GIP: variants seen among roughly 807,000 people sequenced by gnomAD.
GIP encodes the protein glucose-dependent insulinotropic polypeptide.
Under a neutral mutation model 18.1 loss-of-function variants are expected in GIP, and 16 were observed. The ratio of observed to expected loss-of-function variants is 0.88; its 90% confidence interval spans 0.60 to 1.34. The LOEUF is 1.34. Ranked by LOEUF, GIP falls within the 40% of genes most tolerant of loss-of-function variation. The pLI is 0.00. For missense variants in GIP, 192 were observed against 183.4 expected (o/e 1.05, Z -0.27); for synonymous variants, 76 against 74.0 (o/e 1.03, Z -0.14).
At chr17:48,965,974 T>G (rs1190429261) in intron 2 of GIP, among the ~76,000 whole-genome samples, 1 of 151,920 alleles carries the variant, frequency 6.6e-6, no homozygotes, top group East Asian at 1.9e-4. Context: ...ATCTACATGA[T>G]ACAGGCCAGG....
At chr17:48,964,504 G>A (rs2041223213) in intron 2 of GIP, 24 bp from the exon 3 acceptor site, 2 of 1,600,966 alleles carry the variant, frequency 1.2e-6, no homozygotes, top group East Asian at 2.2e-5. Flanking sequence ...TGCGGAGAAG[G>A]GGCAGAGATG....
At chr17:48,960,590 A>G (rs1258334415) in intron 5 of GIP, among the ~76,000 whole-genome samples, 3 of 152,140 alleles carry the variant, frequency 2.0e-5, no homozygotes, top group African/African-American at 7.2e-5. Flanking sequence ...AACAAATAGT[A>G]ATCAGAGCTA....
chr17:48,961,677 G>A (rs767658544), intron 4 of GIP, 50 bp downstream of exon 4: 2 of 1,144,868 alleles, frequency 1.7e-6, no homozygotes, highest in South Asian at 2.5e-5. Flanking sequence ...AAGAGGTGGG[G>A]GCGGGGCAGG....
At chr17:48,959,186 C>T (rs780539508) in intron 5 of GIP, among the ~76,000 whole-genome samples, 1 of 152,108 alleles carries the variant, frequency 6.6e-6, no homozygotes. Context: ...GACAGTCTCA[C>T]TGTGGTGCCC....
intron 3 of GIP, among the ~76,000 whole-genome samples, chr17:48,963,860 A>G (rs1420760514): frequency 6.8e-6 from 1 of 147,520 alleles, no homozygotes; most frequent in Non-Finnish European, 1.5e-5. Flanking sequence ...AAAAAAAAAA[A>G]AAAGAGAGAG....
intron 3 of GIP, among the ~76,000 whole-genome samples, chr17:48,963,736 A>AG (rs2041213768): frequency 6.8e-6 from 1 of 147,958 alleles, no homozygotes; most frequent in Admixed American, 6.8e-5. Flanking sequence ...CGGGAGGCTG[A>AG]GGCAGGAGAA....
chr17:48,961,772 G>A lies in GIP; in HGVS notation c.305C>T (p.Ala102Val), dbSNP rs369958190. 3.1e-6 allele frequency: 5 copies of A among 1,612,528 alleles called. No individual in the cohort carries two copies. Among genetic ancestry groups the A allele is most frequent in the Non-Finnish European group, 4.2e-6 (5 of 1,179,646 alleles). Residue 102 changes from alanine to valine, a missense_variant, in exon 4 of 6, where the codon GCC becomes GTC. Coordinates refer to ENST00000357424, the MANE Select transcript of GIP (RefSeq NM_004123.3). Reference sequence around the variant, plus strand: ...CTCCTCCTTCCTATTAGCTTGACTGGCCAGCTCCAGCGCCCGAGCCTCCCT... The same window carrying A: ...CTCCTCCTTCCTATTAGCTTGACTGACCAGCTCCAGCGCCCGAGCCTCCCT... The part of the protein sequence containing the change: ...TQREARALEL[A>V]SQANRKEEEA...
intron 3 of GIP, among the ~76,000 whole-genome samples, chr17:48,963,001 G>C (rs148781553): frequency 6.6e-6 from 1 of 152,074 alleles, no homozygotes; most frequent in South Asian, 2.1e-4. Flanking sequence ...CAGCTACTCA[G>C]GAGGCTGAGG....
chr17:48,958,605 A>G lies in GIP; in HGVS notation c.*102T>C. ...ATTTTCACAATGGGCTCGACTTAGC[A>G]TAAACTTTATTGGTTTGGGTTCTCT... On this transcript the variant is annotated 3_prime_UTR_variant, in exon 6 of 6. Coordinates refer to ENST00000357424, the MANE Select transcript of GIP (RefSeq NM_004123.3). 1 of 929,894 alleles carries G rather than the reference A, an allele frequency of 1.1e-6. No individual in the cohort carries two copies. Among genetic ancestry groups the G allele is most frequent in the Non-Finnish European group, 1.7e-6 (1 of 585,818 alleles). The allele number at this position is 929,894 out of a possible 1,614,324, so 57.6% of individuals were successfully genotyped here.
intron 1 of GIP, among the ~76,000 whole-genome samples, chr17:48,968,239 T>C (rs1209411477): frequency 6.6e-6 from 1 of 151,988 alleles, no homozygotes; most frequent in African/African-American, 2.4e-5. Context: ...ACCGCAGGCA[T>C]GTACCACCAT....
At chr17:48,961,581 C>T in intron 4 of GIP, 146 bp downstream of exon 4, 1 of 616,126 alleles carries the variant, frequency 1.6e-6, no homozygotes, top group South Asian at 2.0e-5. Context: ...GGAGTTTGCT[C>T]AATGAAGACC....
At chr17:48,961,899 C>G (rs1194006470) in intron 3 of GIP, 80 bp from the exon 4 acceptor site, 3 of 970,866 alleles carry the variant, frequency 3.1e-6, no homozygotes, top group Non-Finnish European at 4.8e-6. Flanking sequence ...ATATCTGAAC[C>G]CCAAAAGCAG....
chr17:48,959,114 A>G (rs2041185409), intron 5 of GIP, among the ~76,000 whole-genome samples: 1 of 151,874 alleles, frequency 6.6e-6, no homozygotes, highest in Non-Finnish European at 1.5e-5. Flanking sequence ...TCGGCCTCCC[A>G]AAGTCCTGGG....
At chr17:48,961,148 T>A (rs896156131) in intron 4 of GIP, among the ~76,000 whole-genome samples, 161 bp from the exon 5 acceptor site, 12 of 152,142 alleles carry the variant, frequency 7.9e-5, no homozygotes, top group African/African-American at 2.7e-4. Flanking sequence ...GGAGCCTCCT[T>A]TCTGCCAGCC....
At chr17:48,963,885 G>A (rs4794005) in intron 3 of GIP, among the ~76,000 whole-genome samples, 71,964 of 135,628 alleles carry the variant, frequency 0.53, 21,050 homozygotes, top group African/African-American at 0.78. Context: ...GCGGGGTATG[G>A]TGGCTCACGC....
chr17:48,965,604 C>CAA (rs33918974), intron 2 of GIP, among the ~76,000 whole-genome samples: 22,302 of 84,180 alleles, frequency 0.26, 4,083 homozygotes, highest in East Asian at 0.75. Flanking sequence ...GACTCCATCT[C>CAA]AAAAAAAAAA....
intron 2 of GIP, among the ~76,000 whole-genome samples, chr17:48,965,981 C>T (rs555536744): frequency 6.6e-6 from 1 of 152,012 alleles, no homozygotes; most frequent in East Asian, 1.9e-4. Context: ...TGATACAGGC[C>T]AGGCGCAGTG....
At position 48,960,999 on chromosome 17, in the gene GIP, C is replaced by T. The variant is rs369934606; in HGVS notation, c.351-12G>A. ...TCTTGGCTGGGGAGCTGCAAGGGAACAGTCTCTGGCTAACTATTTTAGCCT... is the reference window on the plus strand; with the variant it reads ...TCTTGGCTGGGGAGCTGCAAGGGAATAGTCTCTGGCTAACTATTTTAGCCT... On this transcript the variant is annotated splice_polypyrimidine_tract_variant and intron_variant, in intron 4 of 5. Transcript: ENST00000357424. 6.3e-7 allele frequency: 1 copy of T among 1,578,020 alleles called. No individual in the cohort carries two copies. Among genetic ancestry groups the T allele is most frequent in the Non-Finnish European group, 8.7e-7 (1 of 1,155,606 alleles).
At chr17:48,965,031 C>G (rs1256417541) in intron 2 of GIP, among the ~76,000 whole-genome samples, 5 of 150,608 alleles carry the variant, frequency 3.3e-5, no homozygotes, top group South Asian at 2.1e-4. Flanking sequence ...CCCGGCTACT[C>G]GGGAGGCTGA....
Sources: allele counts gnomAD v4.1 joint callset (sites outside exome capture counted in the v4.1 genomes callset), GRCh38; gene constraint gnomAD v4.1.1; transcripts MANE v1.5; gene names NCBI Gene and HGNC (gene_info 2026-07-23, HGNC 2026-07-21).